Variants in PTPRU observed in about 807,000 individuals in gnomAD.
The protein encoded by PTPRU is receptor-type tyrosine-protein phosphatase U.
In PTPRU, 69 loss-of-function variants were observed where a neutral mutation model predicts 166.3. That is an observed-to-expected ratio of 0.41 (90% confidence interval 0.34 to 0.51). PTPRU has a LOEUF of 0.51. PTPRU is among the 20% of genes least tolerant of loss of function. The pLI is 0.09. For missense variants in PTPRU, 1,657 were observed against 2,013.7 expected (o/e 0.82, Z 3.39); for synonymous variants, 793 against 814.0 (o/e 0.97, Z 0.44).
intron 1 of PTPRU, among the ~76,000 whole-genome samples, chr1:29,243,535 G>A (rs1261033216): frequency 6.6e-6 from 1 of 152,212 alleles, no homozygotes; most frequent in Non-Finnish European, 1.5e-5. Context: ...CTCGTGGTGG[G>A]GGTGGGGGAT....
rs573759885 is a variant in PTPRU, at chr1:29,236,547, C to CGCTCCGGCTCGG, written c.-86_-75dup. ...AGTCCCGCTCCGCGCCGCGCCGCTC[C>CGCTCCGGCTCGG]GCTCCGGCTCGGGCTCCGGCTCGCC... On this transcript the variant is annotated 5_prime_UTR_variant, in exon 1 of 30. Coordinates refer to ENST00000373779, the MANE Select transcript of PTPRU (RefSeq NM_133178.4). This position sits in a 1 kb window ranked among gnomAD's most constrained non-coding sequence, Gnocchi z 4.6. 6.5e-4 allele frequency: 627 copies of CGCTCCGGCTCGG among 964,308 alleles called. 5 individuals are homozygous for CGCTCCGGCTCGG. In the African/African-American group the frequency reaches 0.01, roughly 16 times the overall value. 59.7% of individuals were successfully genotyped at this position (964,308 alleles called of 1,614,324 possible).
At chr1:29,275,821 C>A in intron 8 of PTPRU, 65 bp downstream of exon 8, 2 of 1,514,100 alleles carry the variant, frequency 1.3e-6, no homozygotes, top group East Asian at 2.3e-5. Context: ...ATGTCTGAGA[C>A]TGAAATTTAC....
chr1:29,323,561 C>T, intron 27 of PTPRU, 65 bp downstream of exon 27: 1 of 1,611,360 alleles, frequency 6.2e-7, no homozygotes, highest in South Asian at 1.1e-5. Flanking sequence ...TTTAATGACC[C>T]TCTGTGTCAT....
rs1326003515 is a variant in PTPRU, at chr1:29,279,919, G to A, written c.1766-120G>A. 3.2e-5 allele frequency: 36 copies of A among 1,122,910 alleles called. No individual in the cohort carries two copies. Among genetic ancestry groups the A allele is most frequent in the Non-Finnish European group, 4.2e-5 (33 of 780,662 alleles). The allele number at this position is 1,122,910 out of a possible 1,614,324, so 69.6% of individuals were successfully genotyped here. A position where few individuals can be genotyped will look rare whatever the true frequency, so the allele number is the denominator to read the frequency against. ...AGGGTAGCTCAGGTCATGTCAGCAG[G>A]AACAAAGAGGCTAAGGCTGAAGTAG... On this transcript the variant is annotated intron_variant, in intron 10 of 29. Transcript: ENST00000373779. The surrounding 1 kb of genome is among the most constrained non-coding windows in gnomAD (Gnocchi z 5.2).
At chr1:29,308,068 CT>C (rs1307942190) in intron 18 of PTPRU, among the ~76,000 whole-genome samples, 1 of 151,746 alleles carries the variant, frequency 6.6e-6, no homozygotes, top group Non-Finnish European at 1.5e-5. Context: ...ATTTTTTAGC[CT>C]TTTAAAATTA....
intron 12 of PTPRU, 128 bp downstream of exon 12, chr1:29,283,077 C>T: frequency 7.5e-7 from 1 of 1,326,528 alleles, no homozygotes. Flanking sequence ...CTCCCATAGC[C>T]CCACCTCCCA....
At chr1:29,319,424 C>T (rs967489607) in intron 25 of PTPRU, among the ~76,000 whole-genome samples, 16 of 152,284 alleles carry the variant, frequency 1.1e-4, no homozygotes, top group Admixed American at 6.5e-4. Flanking sequence ...ATGCCTCTGA[C>T]GTCTGACCCC....
rs954011573 is a variant in PTPRU at position 29,237,700 on chromosome 1, C to T, written c.73+983C>T. Reference sequence around the variant, plus strand: ...CGGCCGCCGCCTCGGGCATGTCGGACTGTTTGTTGTTTCGCAAGTTCCGCG... The same window carrying T: ...CGGCCGCCGCCTCGGGCATGTCGGATTGTTTGTTGTTTCGCAAGTTCCGCG... On this transcript the variant is annotated intron_variant, in intron 1 of 29. Transcript: ENST00000373779. This position sits in a 1 kb window ranked among gnomAD's most constrained non-coding sequence, Gnocchi z 6.4. 1.7e-4 allele frequency among the ~76,000 whole-genome samples: 26 copies of T among 150,964 alleles called. No individual in the cohort carries two copies. Among genetic ancestry groups the T allele is most frequent in the Middle Eastern group, 6.9e-3 (2 of 290 alleles).
chr1:29,312,576 G>A lies in PTPRU; in HGVS notation c.3097G>A (p.Val1033Ile). ...GAGAGGCTACTCTGCCCGGCACGAG[G>A]TCCGCCAGTTCCACTTCACAGCGTG... The part of the protein sequence containing the change: ...ERRGYSARHE[V>I]RQFHFTAWPE... Residue 1033 changes from valine to isoleucine, a missense_variant, in exon 22 of 30, where the codon GTC (valine) becomes ATC (isoleucine). Val to Ile is a conservative substitution (Grantham distance 29, BLOSUM62 3). This residue lies in a region of PTPRU where 1,190 missense variants were observed against 1,477.4 expected (regional missense o/e 0.81). Transcript: ENST00000373779. 1 of 1,598,760 alleles carries A rather than the reference G, an allele frequency of 6.3e-7. No individual in the cohort carries two copies. The highest frequency in any genetic ancestry group is 8.6e-7 in the Non-Finnish European group (1 of 1,167,896).
chr1:29,321,158 G>C (rs1173204380), intron 26 of PTPRU, among the ~76,000 whole-genome samples: 1 of 150,356 alleles, frequency 6.7e-6, no homozygotes, highest in Admixed American at 6.6e-5. Context: ...AGCCTATCGA[G>C]TAGCTGGGAC....
chr1:29,287,096 G>A (rs1686386745), intron 14 of PTPRU, among the ~76,000 whole-genome samples: 1 of 152,110 alleles, frequency 6.6e-6, no homozygotes, highest in Non-Finnish European at 1.5e-5. Flanking sequence ...TTGCTGAGGA[G>A]GGCAGTTACC....
At chr1:29,277,906 C>T (rs1479472261) in intron 8 of PTPRU, among the ~76,000 whole-genome samples, 10 of 145,630 alleles carry the variant, frequency 6.9e-5, no homozygotes, top group Non-Finnish European at 4.5e-5. Context: ...GCAACCTCTG[C>T]CTTCCTGGTT....
intron 18 of PTPRU, among the ~76,000 whole-genome samples, chr1:29,310,520 A>G (rs12758747): frequency 0.08 from 12,209 of 152,060 alleles, 637 homozygotes; most frequent in Middle Eastern, 0.18. Context: ...TGCACAGCCC[A>G]GGTTGGATTA....
intron 1 of PTPRU, among the ~76,000 whole-genome samples, chr1:29,251,035 T>C (rs1684520378): frequency 6.6e-6 from 1 of 152,178 alleles, no homozygotes; most frequent in African/African-American, 2.4e-5. Flanking sequence ...AGGCACCACT[T>C]GAGGCCAGAA....
Position 29,260,706 on chromosome 1 carries a change from C to T in PTPRU, c.947C>T (p.Pro316Leu), listed in dbSNP as rs1200535287. 1.3e-6 allele frequency: 2 copies of T among 1,592,510 alleles called. No individual in the cohort carries two copies. The highest frequency in any genetic ancestry group is 1.1e-5 in the South Asian group (1 of 88,730). ...ACCAACTCCATCATTGGCGACGGGC[C>T]GATCGTGCGCAAGGAGATTGAGTAC... is the stretch of plus-strand genomic sequence containing the variant. ...LNTNSIIGDG[P>L]IVRKEIEYRM... The change falls in exon 7 of 30, where the codon CCG becomes CTG. Residue 316 changes from proline to leucine, a missense_variant. Coordinates refer to ENST00000373779, the MANE Select transcript of PTPRU (RefSeq NM_133178.4). The surrounding 1 kb of genome is among the most constrained non-coding windows in gnomAD (Gnocchi z 8.3).
At chr1:29,297,330 C>T (rs1484101625) in intron 15 of PTPRU, among the ~76,000 whole-genome samples, 2 of 152,138 alleles carry the variant, frequency 1.3e-5, no homozygotes, top group Non-Finnish European at 2.9e-5. Context: ...GCTGAGATTA[C>T]AGGTGTGAGC....
At chr1:29,324,989 C>T (rs1688339725) in intron 28 of PTPRU, among the ~76,000 whole-genome samples, 1 of 151,646 alleles carries the variant, frequency 6.6e-6, no homozygotes, top group African/African-American at 2.4e-5. Flanking sequence ...AGCTCCGCCC[C>T]TCTCCTCTAG....
In PTPRU at chr1:29,317,160, T is replaced by G. The variant is rs1242325119; in HGVS notation, c.3514-588T>G. ...GAAAGAAACTGAGAGCCCCTGGGTC[T>G]GGATGCGTGAGGTGTGAAGGCATGC... is the stretch of plus-strand genomic sequence containing the variant. On this transcript the variant is annotated intron_variant, in intron 24 of 29. Transcript: ENST00000373779. The surrounding 1 kb of genome is among the most constrained non-coding windows in gnomAD (Gnocchi z 5.6). 6.6e-6 allele frequency among the ~76,000 whole-genome samples: 1 copy of G among 152,142 alleles called. No individual in the cohort carries two copies. The highest frequency in any genetic ancestry group is 1.9e-4 in the East Asian group (1 of 5,194).
At chr1:29,259,756 A>G (rs1684954478) in intron 5 of PTPRU, 114 bp from the exon 6 acceptor site, 2 of 1,337,194 alleles carry the variant, frequency 1.5e-6, no homozygotes, top group African/African-American at 1.5e-5. Flanking sequence ...GCGCGGCTCC[A>G]GGAACCTATG....
Sources: gnomAD v4.1 joint callset for allele counts (sites outside exome capture counted in the v4.1 genomes callset) on GRCh38, gnomAD v4.1.1 for gene constraint, gnomAD v4.1.1 regional missense constraint, Gnocchi (gnomAD v3.1) non-coding constraint, MANE v1.5 for transcripts, NCBI Gene and HGNC (gene_info 2026-07-23, HGNC 2026-07-21) for gene names.